MMS22L: variants seen among roughly 807,000 people sequenced by gnomAD.
MMS22L encodes MMS22 like, DNA repair protein, also known as protein MMS22-like.
A neutral mutation model predicts 159.1 loss-of-function variants in MMS22L; 74 were observed. The ratio of observed to expected loss-of-function variants is 0.47; its 90% confidence interval spans 0.39 to 0.56. The LOEUF is 0.56. MMS22L is among the 20% of genes least tolerant of loss of function. MMS22L has a pLI of 0.00. For missense variants in MMS22L, 1,351 were observed against 1,422.1 expected (o/e 0.95, Z 0.80); for synonymous variants, 517 against 506.9 (o/e 1.02, Z -0.27).
chr6:97,197,080 C>G (rs189552257), intron 14 of MMS22L, among the ~76,000 whole-genome samples: 90 of 152,154 alleles, frequency 5.9e-4, no homozygotes, highest in African/African-American at 2.1e-3. Flanking sequence ...AAAATTTTCA[C>G]GCTGGATGTT....
intron 14 of MMS22L, among the ~76,000 whole-genome samples, chr6:97,194,183 G>T (rs888719685): frequency 2.0e-5 from 3 of 152,114 alleles, no homozygotes; most frequent in African/African-American, 7.2e-5. Flanking sequence ...TCAGCCTCCC[G>T]AGTAGCTGGA....
At chr6:97,152,066 A>G (rs949519652) in intron 22 of MMS22L, among the ~76,000 whole-genome samples, 199 bp from the exon 23 acceptor site, 1 of 152,194 alleles carries the variant, frequency 6.6e-6, no homozygotes, top group African/African-American at 2.4e-5. Flanking sequence ...AGAAAATATA[A>G]AAGTTTAAAA....
At chr6:97,251,006 C>A (rs1183174254) in intron 10 of MMS22L, among the ~76,000 whole-genome samples, 1 of 152,106 alleles carries the variant, frequency 6.6e-6, no homozygotes, top group Non-Finnish European at 1.5e-5. Context: ...AGATTCCAGA[C>A]CCAAACTAAC....
At chr6:97,217,647 ACAACTACAGATTATAATCAGGGG>A (rs1302892620) in intron 14 of MMS22L, among the ~76,000 whole-genome samples, 1 of 152,238 alleles carries the variant, frequency 6.6e-6, no homozygotes, top group African/African-American at 2.4e-5. Context: ...GACCTAGATT[ACAACTACAGATTATAATCAGGGG>A]CATAGCAAAT....
intron 21 of MMS22L, among the ~76,000 whole-genome samples, chr6:97,162,525 C>T (rs1044452334): frequency 3.3e-5 from 5 of 151,644 alleles, no homozygotes; most frequent in African/African-American, 7.3e-5. Context: ...TCCTCAATGC[C>T]GCAACATTTT....
At chr6:97,166,173 T>G (rs890966243) in intron 20 of MMS22L, among the ~76,000 whole-genome samples, 4 of 152,266 alleles carry the variant, frequency 2.6e-5, no homozygotes, top group African/African-American at 9.6e-5. Context: ...TGTATAGCAG[T>G]TAACAAAATA....
intron 9 of MMS22L, among the ~76,000 whole-genome samples, chr6:97,262,746 C>T (rs1219093200): frequency 6.6e-6 from 1 of 151,672 alleles, no homozygotes; most frequent in East Asian, 1.9e-4. Context: ...ATCAAAAGTA[C>T]CCTTTCATAT....
At chr6:97,232,199 A>T (rs905286852) in intron 12 of MMS22L, among the ~76,000 whole-genome samples, 1 of 152,158 alleles carries the variant, frequency 6.6e-6, no homozygotes. Context: ...AAAAAGGCAC[A>T]TAAGTTCTGA....
At chr6:97,270,464 G>T (rs1815615967) in intron 6 of MMS22L, 1 of 293,146 alleles carries the variant, frequency 3.4e-6, no homozygotes, top group Non-Finnish European at 6.7e-6. Flanking sequence ...AGTTAAAAGA[G>T]GTGAAAAAAT....
intron 15 of MMS22L, among the ~76,000 whole-genome samples, chr6:97,186,189 G>T (rs907366026): frequency 4.6e-5 from 7 of 151,894 alleles, no homozygotes; most frequent in African/African-American, 1.7e-4. Flanking sequence ...CATACAATTT[G>T]AAAATAAACT....
intron 12 of MMS22L, among the ~76,000 whole-genome samples, 167 bp downstream of exon 12, chr6:97,233,694 T>C (rs1811102295): frequency 6.6e-6 from 1 of 152,182 alleles, no homozygotes; most frequent in Non-Finnish European, 1.5e-5. Context: ...GACAAAGCTC[T>C]ACAATGTTAA....
intron 3 of MMS22L, among the ~76,000 whole-genome samples, chr6:97,280,087 G>A (rs1358995588): frequency 1.3e-5 from 2 of 152,076 alleles, no homozygotes; most frequent in Non-Finnish European, 2.9e-5. Context: ...CACTCACTGA[G>A]CCTGTTCTAT....
chr6:97,187,873 G>A (rs976916314), intron 14 of MMS22L, among the ~76,000 whole-genome samples: 11 of 152,106 alleles, frequency 7.2e-5, no homozygotes, highest in South Asian at 2.1e-4. Flanking sequence ...AGTATAAACT[G>A]TATAACATTA....
intron 14 of MMS22L, among the ~76,000 whole-genome samples, chr6:97,210,441 G>C (rs1046057662): frequency 6.6e-6 from 1 of 151,866 alleles, no homozygotes. Flanking sequence ...AACAGTAAGA[G>C]AAAAGATTCA....
Position 97,168,086 on chromosome 6 carries a change from A to G in MMS22L, c.2994T>C (p.Leu998=), listed in dbSNP as rs1803158859. The change falls in exon 20 of 25, where the codon CTT becomes CTC. Residue 998 remains leucine (L), a synonymous_variant. Transcript: ENST00000683635. ...APMLSAIQKS[L]PLYLQGMCIV... Reference sequence around the variant, plus strand: ...GATACTATACCTGGAGATACAAAGGAAGACTTTTCTGAATTGCTGACAACA... The same window carrying G: ...GATACTATACCTGGAGATACAAAGGGAGACTTTTCTGAATTGCTGACAACA... 6.2e-7 allele frequency: 1 copy of G among 1,609,658 alleles called. No individual in the cohort carries two copies. Among genetic ancestry groups the G allele is most frequent in the East Asian group, 2.2e-5 (1 of 44,804 alleles).
At position 97,272,776 on chromosome 6, in the gene MMS22L, G is replaced by A; in HGVS notation, c.534C>T (p.Leu178=). The A allele has an allele frequency of 6.2e-7, 1 of 1,614,012 alleles. No individual in the cohort carries two copies. Among genetic ancestry groups the A allele is most frequent in the Admixed American group, 1.7e-5 (1 of 60,022 alleles). ...GTTCAGATAGGTGTCCAATATACAA[G>A]AGTAATCCATGAAGCTCATCAATCA... ...SVLIDELHGL[L]LYIGHLSELP... is the part of the protein sequence containing the mutation. The change falls in exon 6 of 25, where the codon CTC becomes CTT. Residue 178 remains leucine, a synonymous_variant. Coordinates refer to ENST00000683635, the MANE Select transcript of MMS22L (RefSeq NM_001350599.2).
chr6:97,278,818 C>A, intron 4 of MMS22L, 31 bp downstream of exon 4: 1 of 1,594,394 alleles, frequency 6.3e-7, no homozygotes, highest in South Asian at 1.1e-5. Flanking sequence ...AAGCACCATT[C>A]CCTTTTGCAT....
intron 4 of MMS22L, among the ~76,000 whole-genome samples, chr6:97,275,267 G>A (rs1183882243): frequency 1.3e-5 from 2 of 152,216 alleles, no homozygotes; most frequent in East Asian, 3.8e-4. Context: ...GGTGGCTCAC[G>A]CCTGTAATCC....
intron 9 of MMS22L, among the ~76,000 whole-genome samples, chr6:97,262,178 C>T (rs1486778046): frequency 6.6e-6 from 1 of 152,032 alleles, no homozygotes; most frequent in Non-Finnish European, 1.5e-5. Context: ...CCCCTTAATG[C>T]CTGAAAGCCA....
Sources: allele counts gnomAD v4.1 joint callset (sites outside exome capture counted in the v4.1 genomes callset), GRCh38; gene constraint gnomAD v4.1.1; transcripts MANE v1.5; gene names NCBI Gene and HGNC (gene_info 2026-07-23, HGNC 2026-07-21).